The following IQCB1 variants were observed in gnomAD, a reference collection of about 807,000 sequenced individuals.
IQCB1 encodes IQ motif containing B1.
Under a neutral mutation model 84.4 loss-of-function variants are expected in IQCB1, and 56 were observed. The ratio of observed to expected loss-of-function variants is 0.66; its 90% CI spans 0.54 to 0.83. The LOEUF (loss-of-function observed/expected upper bound fraction) is 0.83, where lower values mean the gene tolerates loss of function less well. IQCB1 is among the 40% of genes least tolerant of loss of function. The probability of loss-of-function intolerance (pLI) is 0.00; values close to 1 mark genes in which losing one functional copy is unlikely to be tolerated. For missense variants in IQCB1, 629 were observed against 682.1 expected (o/e 0.92, Z 0.87); for synonymous variants, 210 against 234.8 (o/e 0.89, Z 0.96).
intron 5 of IQCB1, among the ~76,000 whole-genome samples, chr3:121,824,375 G>A (rs1204050670): frequency 1.3e-5 from 2 of 152,118 alleles, no homozygotes; most frequent in Non-Finnish European, 2.9e-5. Context: ...AGAACAGCAT[G>A]CCGTTTAAAA....
At chr3:121,801,504 GCAC>G (rs1224298916) in intron 7 of IQCB1, among the ~76,000 whole-genome samples, 1 of 151,908 alleles carries the variant, frequency 6.6e-6, no homozygotes, top group African/African-American at 2.4e-5. Context: ...ATATCTGACT[GCAC>G]CATTTATTTT....
At chr3:121,779,089 A>G (rs566386866) in intron 13 of IQCB1, among the ~76,000 whole-genome samples, 1 of 151,278 alleles carries the variant, frequency 6.6e-6, no homozygotes, top group East Asian at 1.9e-4. Context: ...ATATATAAAA[A>G]TTTTTTTTTG....
chr3:121,833,701 C>T (rs1020567282), intron 2 of IQCB1, among the ~76,000 whole-genome samples: 4 of 152,082 alleles, frequency 2.6e-5, no homozygotes, highest in African/African-American at 9.7e-5. Flanking sequence ...AAATAGATGA[C>T]ACAGATAAGA....
intron 5 of IQCB1, among the ~76,000 whole-genome samples, chr3:121,813,554 C>T (rs975368439): frequency 7.9e-5 from 12 of 152,136 alleles, no homozygotes; most frequent in African/African-American, 2.9e-4. Context: ...CACACATAGG[C>T]TCAAAATAAA....
At chr3:121,822,755 A>C (rs1950321768) in intron 5 of IQCB1, among the ~76,000 whole-genome samples, 1 of 152,184 alleles carries the variant, frequency 6.6e-6, no homozygotes, top group South Asian at 2.1e-4. Flanking sequence ...TAATGGCAAA[A>C]CTGAAGTAAA....
intron 13 of IQCB1, among the ~76,000 whole-genome samples, chr3:121,780,258 G>A (rs1024210124): frequency 1.3e-5 from 2 of 152,178 alleles, no homozygotes; most frequent in African/African-American, 4.8e-5. Flanking sequence ...ACAGTAAGCT[G>A]GGGTAATTAT....
In IQCB1 at chr3:121,834,998, A is replaced by T; in HGVS notation, c.-134T>A. The T allele has an allele frequency of 2.2e-6, 1 of 445,300 alleles. No homozygotes were observed. Among genetic ancestry groups the T allele is most frequent in the Admixed American group, 4.4e-5 (1 of 22,754 alleles). The allele number at this position is 445,300 out of a possible 1,614,324, so 27.6% of individuals were successfully genotyped here. A position where few individuals can be genotyped will look rare whatever the true frequency, so the allele number is the denominator to read the frequency against. ...TCGCTTCGCGTTCTTCCACTAAAGA[A>T]CCTGGGGCTCCCACGCCGCACTACA... On this transcript the variant is annotated 5_prime_UTR_variant, in exon 1 of 15. Transcript: ENST00000310864.
chr3:121,785,091 A>G (rs1948653594), intron 12 of IQCB1, among the ~76,000 whole-genome samples: 1 of 151,916 alleles, frequency 6.6e-6, no homozygotes, highest in African/African-American at 2.4e-5. Flanking sequence ...AATTTCCCCA[A>G]TTTTTAGCTC....
Position 121,809,007 on chromosome 3 carries a change from A to G in IQCB1, c.396T>C (p.Ala132=). The G allele has an allele frequency of 1.3e-6, 2 of 1,588,912 alleles. No homozygotes were observed. Among genetic ancestry groups the G allele is most frequent in the Non-Finnish European group, 1.7e-6 (2 of 1,157,906 alleles). Residue 132 remains alanine, a splice_region_variant and synonymous_variant, in exon 6 of 15, where the codon GCT becomes GCC. Coordinates refer to ENST00000310864, the MANE Select transcript of IQCB1 (RefSeq NM_001023570.4). The part of the protein sequence containing the change: ...LQTCFINAAK[A]EEKDELLHFF... ...AGTGTAGTAATTCATCTTTTTCTTCAGCCTTAACATAAAAGATAAGCCCAG... is the reference window on the plus strand; with the variant it reads ...AGTGTAGTAATTCATCTTTTTCTTCGGCCTTAACATAAAAGATAAGCCCAG...
At position 121,772,718 on chromosome 3, in the gene IQCB1, A is replaced by C. The variant is rs1012694788; in HGVS notation, c.1411-5T>G. 1.9e-6 allele frequency: 3 copies of C among 1,613,912 alleles called. No individual in the cohort carries two copies. Among genetic ancestry groups the C allele is most frequent in the Non-Finnish European group, 2.5e-6 (3 of 1,179,992 alleles). The stretch of plus-strand genomic sequence containing the variant: ...CACATCTGACATTGGAGAGCCCTGG[A>C]AACACAGGACAGAAAAACCTGTCAC... On this transcript the variant is annotated splice_polypyrimidine_tract_variant and splice_region_variant and intron_variant, in intron 13 of 14. Coordinates refer to ENST00000310864, the MANE Select transcript of IQCB1 (RefSeq NM_001023570.4).
chr3:121,795,562 A>G lies in IQCB1; in HGVS notation c.881T>C (p.Leu294Pro). ...MVYQEVEEQKLHQAACLIQAY... is the reference protein window; with the variant it reads ...MVYQEVEEQKPHQAACLIQAY... Reference sequence around the variant, plus strand: ...TTGAATCAAGCATGCTGCTTGATGTAGTTTCTGAAATGCCGAAAATAATTT... The same window carrying G: ...TTGAATCAAGCATGCTGCTTGATGTGGTTTCTGAAATGCCGAAAATAATTT... Residue 294 changes from leucine (L) to proline (P), a missense_variant, in exon 10 of 15, where the codon CTA becomes CCA. Transcript: ENST00000310864. 6.3e-7 allele frequency: 1 copy of G among 1,578,920 alleles called. No homozygotes were observed. The highest frequency in any genetic ancestry group is 1.3e-5 in the African/African-American group (1 of 74,328).
intron 5 of IQCB1, among the ~76,000 whole-genome samples, chr3:121,821,073 C>T (rs184220332): frequency 3.3e-5 from 5 of 152,058 alleles, no homozygotes; most frequent in East Asian, 1.9e-4. Context: ...TCACTGCAGC[C>T]GTGAGCTCCT....
chr3:121,777,381 A>C (rs1306813192), intron 13 of IQCB1, among the ~76,000 whole-genome samples: 1 of 152,252 alleles, frequency 6.6e-6, no homozygotes, highest in African/African-American at 2.4e-5. Flanking sequence ...TTAGGCTACA[A>C]ATCTGTACAG....
intron 14 of IQCB1, 26 bp downstream of exon 14, chr3:121,772,531 A>G: frequency 6.2e-7 from 1 of 1,613,606 alleles, no homozygotes; most frequent in South Asian, 1.1e-5. Context: ...TTCCTTTTAG[A>G]GAACGAAAGT....
chr3:121,819,939 G>A (rs1950217072), intron 5 of IQCB1, among the ~76,000 whole-genome samples: 1 of 151,906 alleles, frequency 6.6e-6, no homozygotes. Flanking sequence ...TTTATACTTG[G>A]AGCAGATCTC....
intron 13 of IQCB1, among the ~76,000 whole-genome samples, chr3:121,778,593 T>C (rs1470918168): frequency 6.6e-6 from 1 of 152,064 alleles, no homozygotes; most frequent in Non-Finnish European, 1.5e-5. Context: ...CAACTTTTTT[T>C]CCTTTCAGTA....
chr3:121,789,890 G>T (rs1343751132), intron 11 of IQCB1, among the ~76,000 whole-genome samples, 183 bp downstream of exon 11: 1 of 151,984 alleles, frequency 6.6e-6, no homozygotes, highest in Non-Finnish European at 1.5e-5. Flanking sequence ...CAACTAATAG[G>T]TCTGAATTGA....
chr3:121,780,364 T>A (rs554179223), intron 13 of IQCB1, among the ~76,000 whole-genome samples: 2 of 152,222 alleles, frequency 1.3e-5, no homozygotes. Context: ...TGCTTGTTTC[T>A]TTTTCTGGTT....
intron 2 of IQCB1, among the ~76,000 whole-genome samples, chr3:121,829,688 G>A (rs549238262): frequency 1.3e-5 from 2 of 152,258 alleles, no homozygotes; most frequent in Admixed American, 6.5e-5. Flanking sequence ...CATATCCTAC[G>A]TAACTCCACT....
Sources: gnomAD v4.1 joint callset for allele counts (sites outside exome capture counted in the v4.1 genomes callset) on GRCh38, gnomAD v4.1.1 for gene constraint, MANE v1.5 for transcripts, NCBI Gene and HGNC (gene_info 2026-07-23, HGNC 2026-07-21) for gene names.